TTK: variants seen among roughly 807,000 people sequenced by gnomAD.
TTK encodes the protein dual specificity protein kinase TTK.
TTK carries 59 observed loss-of-function variants against 117.3 expected under a neutral mutation model. That is an observed-to-expected ratio of 0.50 (90% CI 0.41 to 0.62). The LOEUF (loss-of-function observed/expected upper bound fraction) is 0.62, where lower values mean the gene tolerates loss of function less well. Ranked by LOEUF, TTK falls within the 20% of genes least tolerant of loss-of-function variation. The pLI, the probability that TTK is intolerant of heterozygous loss-of-function variation, is 0.00. For missense variants in TTK, 921 were observed against 989.4 expected (o/e 0.93, Z 0.93); for synonymous variants, 302 against 325.0 (o/e 0.93, Z 0.76).
intron 14 of TTK, 50 bp downstream of exon 14, chr6:80,031,609 C>A: frequency 1.4e-6 from 2 of 1,380,216 alleles, no homozygotes; most frequent in African/African-American, 1.5e-5. Flanking sequence ...TTTAAACTTT[C>A]TGTTTTTTTG....
At chr6:80,022,535 G>T (rs1470953315) in intron 11 of TTK, 63 bp downstream of exon 11, 3 of 1,516,700 alleles carry the variant, frequency 2.0e-6, no homozygotes, top group Non-Finnish European at 2.7e-6. Context: ...GAAGGTTGAT[G>T]ATCATATTAA....
intron 9 of TTK, 93 bp from the exon 10 acceptor site, chr6:80,014,370 C>T: frequency 8.6e-7 from 1 of 1,163,190 alleles, no homozygotes. Context: ...ATGAGCAATC[C>T]ATGTATAGAT....
intron 13 of TTK, among the ~76,000 whole-genome samples, chr6:80,031,104 T>G (rs1767748559): frequency 6.6e-6 from 1 of 151,076 alleles, no homozygotes; most frequent in Non-Finnish European, 1.5e-5. Flanking sequence ...TGTACATATG[T>G]AAGTAAAGAG....
At chr6:80,012,989 C>G (rs1767200985) in intron 8 of TTK, among the ~76,000 whole-genome samples, 1 of 152,100 alleles carries the variant, frequency 6.6e-6, no homozygotes, top group Non-Finnish European at 1.5e-5. Flanking sequence ...GTAGTTTCAT[C>G]TGTATACTTT....
Position 80,011,476 on chromosome 6 carries a change from T to C in TTK, c.656T>C (p.Leu219Pro). ...LTAQESFSGS[L>P]GHLQNRNNSC... ...GCCCAAGAATCATTTTCCGGTTCACTTGGGCATTTACAGAATAGGAACAAC... is the reference window on the plus strand; with the variant it reads ...GCCCAAGAATCATTTTCCGGTTCACCTGGGCATTTACAGAATAGGAACAAC... The change falls in exon 6 of 22, where the codon CTT (leucine) becomes CCT (proline). Residue 219 changes from leucine (L) to proline (P), a missense_variant. Leu to Pro is a moderately conservative substitution (Grantham distance 98). Coordinates refer to ENST00000369798, the MANE Select transcript of TTK (RefSeq NM_003318.5). 1.2e-6 allele frequency: 2 copies of C among 1,607,710 alleles called. No homozygotes were observed. The highest frequency in any genetic ancestry group is 1.7e-6 in the Non-Finnish European group (2 of 1,177,804).
chr6:80,016,479 A>G (rs566422141), intron 10 of TTK, among the ~76,000 whole-genome samples: 1 of 152,054 alleles, frequency 6.6e-6, no homozygotes, highest in Admixed American at 6.6e-5. Context: ...ACATCATTTC[A>G]TATATTTATT....
intron 5 of TTK, 109 bp from the exon 6 acceptor site, chr6:80,011,324 GA>G: frequency 1.5e-6 from 1 of 673,498 alleles, no homozygotes; most frequent in East Asian, 3.0e-5. Flanking sequence ...CTTACTTGGG[GA>G]CAAGTATTTC....
chr6:80,036,513 A>G lies in TTK; in HGVS notation c.1963A>G (p.Ile655Val), dbSNP rs920672186. The change falls in exon 17 of 22, where the codon ATA (isoleucine) becomes GTA (valine). Residue 655 changes from isoleucine (I) to valine (V), a missense_variant. Ile to Val is a conservative substitution (Grantham distance 29, BLOSUM62 3). Transcript: ENST00000369798. ...TGATCTTAAACCAGCTAACTTTCTGATAGTTGATGGAATGCTAAAGCTAAT... is the reference window on the plus strand; with the variant it reads ...TGATCTTAAACCAGCTAACTTTCTGGTAGTTGATGGAATGCTAAAGCTAAT... The part of the protein sequence containing the change: ...HSDLKPANFL[I>V]VDGMLKLIDF... 6.2e-7 allele frequency: 1 copy of G among 1,611,408 alleles called. No homozygotes were observed.
intron 9 of TTK, among the ~76,000 whole-genome samples, chr6:80,014,184 TC>T (rs1157632173): frequency 1.3e-5 from 2 of 152,172 alleles, no homozygotes; most frequent in African/African-American, 4.8e-5. Context: ...ATTCAAACTT[TC>T]TAACCCTTTC....
chr6:80,013,361 T>G lies in TTK; in HGVS notation c.979T>G (p.Leu327Val), dbSNP rs1767216678. 4 of 1,594,394 alleles carry G rather than the reference T, an allele frequency of 2.5e-6. No homozygotes were observed. Among genetic ancestry groups the G allele is most frequent in the Non-Finnish European group, 3.4e-6 (4 of 1,173,128 alleles). ...SGNDSCELRN[L>V]KSVQNSHFKE... ...AAATGATTCCTGTGAATTAAGAAAT[T>G]TAAAGGTATTTTAATTCTATATCAT... Residue 327 changes from leucine to valine, a missense_variant, in exon 9 of 22, where the codon TTA becomes GTA. By Grantham distance (32) the Leu-to-Val change is conservative. Coordinates refer to ENST00000369798, the MANE Select transcript of TTK (RefSeq NM_003318.5).
chr6:80,006,192 A>T (rs1766990800), intron 2 of TTK: 3 of 575,860 alleles, frequency 5.2e-6, no homozygotes, highest in Non-Finnish European at 9.4e-6. Context: ...AGGCACTTAA[A>T]CATTTATTGA....
Position 80,009,575 on chromosome 6 carries a change from T to C in TTK, c.469+1083T>C, listed in dbSNP as rs544736610. On this transcript the variant is annotated intron_variant, in intron 4 of 21. Transcript: ENST00000369798. Reference sequence around the variant, plus strand: ...TATTGTGGCCTCTCAATAACAACCATAAATTTTACATGTTTAGAACATGTA... The same window carrying C: ...TATTGTGGCCTCTCAATAACAACCACAAATTTTACATGTTTAGAACATGTA... Among the ~76,000 whole-genome samples the C allele has an allele frequency of 2.6e-5, 4 of 152,064 alleles. No individual in the cohort carries two copies. In the South Asian group the frequency reaches 8.3e-4, roughly 32 times the overall value.
Position 80,037,561 on chromosome 6 carries a change from G to A in TTK, c.2050-406G>A, listed in dbSNP as rs75906414. The A allele has an allele frequency of 3.7e-4, 56 of 152,642 alleles. No homozygotes were observed. The East Asian group carries it at 9.4e-3, about 26-fold the overall frequency. The allele number at this position is 152,642 out of a possible 1,614,324, so 9.5% of individuals were successfully genotyped here. A position where few individuals can be genotyped will look rare whatever the true frequency, so the allele number is the denominator to read the frequency against. ...AGTTGAGTATGTTACAACAAGAAAC[G>A]AATGGTAAGTCCCTCAATGGCCTCA... On this transcript the variant is annotated intron_variant, in intron 17 of 21. Coordinates refer to ENST00000369798, the MANE Select transcript of TTK (RefSeq NM_003318.5).
chr6:80,007,618 A>G (rs1448730940), intron 2 of TTK, among the ~76,000 whole-genome samples, 191 bp from the exon 3 acceptor site: 1 of 152,160 alleles, frequency 6.6e-6, no homozygotes, highest in East Asian at 1.9e-4. Flanking sequence ...GTATACCTTC[A>G]TAAAAGATAA....
chr6:80,007,834 T>C lies in TTK; in HGVS notation c.165T>C (p.Ile55=). 6.2e-7 allele frequency: 1 copy of C among 1,612,076 alleles called. No individual in the cohort carries two copies. Among genetic ancestry groups the C allele is most frequent in the Non-Finnish European group, 8.5e-7 (1 of 1,178,930 alleles). The change falls in exon 3 of 22, where the codon ATT becomes ATC. Residue 55 remains isoleucine, a synonymous_variant. Coordinates refer to ENST00000369798, the MANE Select transcript of TTK (RefSeq NM_003318.5). ...ATAACTCGGGAACTGTTAACCAAAT[T>C]ATGATGATGGCAAACAACCCAGAGG... ...TTDNSGTVNQ[I]MMMANNPEDW...
At chr6:80,008,053 A>G (rs770736191) in intron 3 of TTK, 22 bp downstream of exon 3, 29 of 1,604,010 alleles carry the variant, frequency 1.8e-5, no homozygotes, top group East Asian at 1.1e-4. Context: ...CATTTTAACT[A>G]TGTTCAACTA....
At chr6:80,026,640 AT>A in intron 12 of TTK, 126 bp downstream of exon 12, 4 of 1,351,654 alleles carry the variant, frequency 3.0e-6, no homozygotes. Flanking sequence ...TCTTCATATT[AT>A]TTTTTCAGCA....
chr6:80,023,401 G>A (rs1767517730), intron 11 of TTK, among the ~76,000 whole-genome samples: 1 of 152,190 alleles, frequency 6.6e-6, no homozygotes, highest in African/African-American at 2.4e-5. Context: ...AGACCATCTT[G>A]GCTAACATGG....
Position 80,014,470 on chromosome 6 carries a change from A to G in TTK, c.992A>G (p.Gln331Arg). 6.2e-7 allele frequency: 1 copy of G among 1,605,556 alleles called. No homozygotes were observed. Among genetic ancestry groups the G allele is most frequent in the Non-Finnish European group, 8.5e-7 (1 of 1,176,372 alleles). ...SCELRNLKSVQNSHFKEPLVS... is the reference protein window; with the variant it reads ...SCELRNLKSVRNSHFKEPLVS... ...ATTTTCTTTTTCATGTAGTCTGTTC[A>G]AAATAGTCATTTCAAGGAACCTCTG... The change falls in exon 10 of 22, where the codon CAA becomes CGA. Residue 331 changes from glutamine (Q) to arginine (R), a missense_variant. Physicochemically the swap from Gln to Arg is conservative, Grantham distance 43. Transcript: ENST00000369798.
Sources: gnomAD v4.1 joint callset for allele counts (sites outside exome capture counted in the v4.1 genomes callset) on GRCh38, gnomAD v4.1.1 for gene constraint, MANE v1.5 for transcripts, NCBI Gene and HGNC (gene_info 2026-07-23, HGNC 2026-07-21) for gene names.